BBX: variants seen among roughly 807,000 people sequenced by gnomAD.
BBX encodes BBX high mobility group box domain containing, also known as HMG box transcription factor BBX.
BBX carries 30 observed loss-of-function variants against 100.2 expected under a neutral mutation model. The observed-to-expected ratio is 0.30, with a 90% confidence interval of 0.22 to 0.41. The LOEUF is 0.41. BBX is among the 10% of genes least tolerant of loss of function. The pLI is 1.00. For synonymous variants in BBX, 376 were observed against 388.1 expected (o/e 0.97, Z 0.37); for missense variants, 1,023 against 1,129.8 (o/e 0.91, Z 1.35).
chr3:107,689,734 A>G (rs1461004008), intron 3 of BBX, among the ~76,000 whole-genome samples: 1 of 152,204 alleles, frequency 6.6e-6, no homozygotes, highest in East Asian at 1.9e-4. Flanking sequence ...ACTGAGAGGT[A>G]TGAATGAAAT....
At chr3:107,725,861 A>C (rs1037668284) in intron 5 of BBX, among the ~76,000 whole-genome samples, 1 of 152,054 alleles carries the variant, frequency 6.6e-6, no homozygotes, top group African/African-American at 2.4e-5. Flanking sequence ...CCATGAGGTG[A>C]ATTTTCATTT....
In BBX at chr3:107,805,672, A is replaced by C. The variant is rs945171137; in HGVS notation, c.*215A>C. 6.2e-6 allele frequency: 5 copies of C among 801,138 alleles called. No homozygotes were observed. Among genetic ancestry groups the C allele is most frequent in the African/African-American group, 1.7e-5 (1 of 57,830 alleles). The allele number at this position is 801,138 out of a possible 1,614,324, so 49.6% of individuals were successfully genotyped here. On this transcript the variant is annotated 3_prime_UTR_variant, in exon 18 of 18. Coordinates refer to ENST00000325805, the MANE Select transcript of BBX (RefSeq NM_001142568.3). ...CTTTGAGGGTAAGGTTATCTGTCTG[A>C]TACTGAGCAGAAACAGAATGATCCT...
At chr3:107,701,202 C>G (rs1301766212) in intron 3 of BBX, among the ~76,000 whole-genome samples, 1 of 152,096 alleles carries the variant, frequency 6.6e-6, no homozygotes, top group East Asian at 1.9e-4. Flanking sequence ...TGATGATGAG[C>G]ATTTTTTCAT....
intron 10 of BBX, among the ~76,000 whole-genome samples, chr3:107,765,768 A>G (rs2107736991): frequency 6.6e-6 from 1 of 152,220 alleles, no homozygotes; most frequent in South Asian, 2.1e-4. Context: ...CTGGCTGGAG[A>G]CTGGGGAATG....
intron 2 of BBX, among the ~76,000 whole-genome samples, chr3:107,637,877 C>T (rs2056944847): frequency 6.6e-6 from 1 of 152,034 alleles, no homozygotes; most frequent in Non-Finnish European, 1.5e-5. Context: ...TCCCTTCTTT[C>T]CTCCTTCCCT....
chr3:107,543,069 A>G lies in BBX; in HGVS notation c.-84+16671A>G, dbSNP rs528246324. Among the ~76,000 whole-genome samples, 21 of 152,356 alleles carry G rather than the reference A, an allele frequency of 1.4e-4. No individual in the cohort carries two copies. The South Asian group carries it at 4.4e-3, about 32-fold the overall frequency. ...TAAAAAAAGTTAGTGTTATATTGAG[A>G]TGAAATATCTGTGATTAAAAAAATG... On this transcript the variant is annotated intron_variant, in intron 2 of 17. Transcript: ENST00000325805.
intron 3 of BBX, among the ~76,000 whole-genome samples, chr3:107,703,154 T>C (rs1488765013): frequency 1.3e-5 from 2 of 152,236 alleles, no homozygotes; most frequent in Non-Finnish European, 2.9e-5. Flanking sequence ...TTTGTGAATT[T>C]GTAAACTGAA....
chr3:107,781,965 T>C (rs1449648706), intron 13 of BBX, among the ~76,000 whole-genome samples: 2 of 152,180 alleles, frequency 1.3e-5, no homozygotes, highest in Non-Finnish European at 2.9e-5. Flanking sequence ...AAGCCAATAG[T>C]ACTTTCAGTC....
intron 13 of BBX, among the ~76,000 whole-genome samples, 174 bp downstream of exon 13, chr3:107,778,693 C>T (rs1057206662): frequency 6.6e-6 from 1 of 151,970 alleles, no homozygotes; most frequent in Non-Finnish European, 1.5e-5. Context: ...TCCTTATTTT[C>T]TGTAGCCTCT....
chr3:107,693,591 G>T (rs1362559415), intron 3 of BBX, among the ~76,000 whole-genome samples: 1 of 151,698 alleles, frequency 6.6e-6, no homozygotes, highest in East Asian at 1.9e-4. Context: ...ATGCTGTTTT[G>T]GTTACTGTAG....
At chr3:107,543,106 A>T (rs928107558) in intron 2 of BBX, among the ~76,000 whole-genome samples, 1 of 152,242 alleles carries the variant, frequency 6.6e-6, no homozygotes, top group Non-Finnish European at 1.5e-5. Flanking sequence ...ACATCATGTC[A>T]CAATATAAAA....
At chr3:107,679,069 T>C (rs1000785522) in intron 3 of BBX, among the ~76,000 whole-genome samples, 2 of 151,770 alleles carry the variant, frequency 1.3e-5, no homozygotes, top group East Asian at 1.9e-4. Flanking sequence ...GCATGAGATA[T>C]GAAGCATAGA....
intron 13 of BBX, among the ~76,000 whole-genome samples, chr3:107,786,918 G>A (rs946211988): frequency 6.6e-6 from 1 of 152,158 alleles, no homozygotes; most frequent in Admixed American, 6.5e-5. Context: ...TATCTAGACT[G>A]TATAAGGAAT....
intron 17 of BBX, among the ~76,000 whole-genome samples, chr3:107,801,534 G>GC (rs1222648585): frequency 6.6e-6 from 1 of 152,172 alleles, no homozygotes; most frequent in African/African-American, 2.4e-5. Flanking sequence ...AAGCCTGAGA[G>GC]CAGGGAAGCA....
At chr3:107,602,888 A>G (rs990053571) in intron 2 of BBX, among the ~76,000 whole-genome samples, 5 of 152,368 alleles carry the variant, frequency 3.3e-5, no homozygotes, top group Admixed American at 6.5e-5. Flanking sequence ...GATTTAGACC[A>G]TTATATAAAC....
chr3:107,769,338 A>G (rs1354878742), intron 10 of BBX, among the ~76,000 whole-genome samples: 2 of 152,194 alleles, frequency 1.3e-5, no homozygotes, highest in African/African-American at 4.8e-5. Context: ...GTGTTTGCAT[A>G]TACATTTCTT....
At chr3:107,625,306 C>T (rs2056084749) in intron 2 of BBX, among the ~76,000 whole-genome samples, 1 of 152,062 alleles carries the variant, frequency 6.6e-6, no homozygotes, top group Non-Finnish European at 1.5e-5. Flanking sequence ...GGGACAGAGT[C>T]TCACTCTGTC....
intron 3 of BBX, among the ~76,000 whole-genome samples, chr3:107,674,255 T>C (rs1263177570): frequency 6.6e-6 from 1 of 152,192 alleles, no homozygotes; most frequent in Non-Finnish European, 1.5e-5. Context: ...TTCTTGATTC[T>C]TTTAGTAAGT....
chr3:107,662,874 G>GTGCTAGGTACT (rs1294077267), intron 3 of BBX: 4 of 152,082 alleles, frequency 2.6e-5, no homozygotes, highest in Admixed American at 6.5e-5. Flanking sequence ...TCCTGAGTAC[G>GTGCTAGGTACT]TGCTAGGTAC....
Sources: allele counts gnomAD v4.1 joint callset (sites outside exome capture counted in the v4.1 genomes callset), GRCh38; gene constraint gnomAD v4.1.1; transcripts MANE v1.5; gene names NCBI Gene and HGNC (gene_info 2026-07-23, HGNC 2026-07-21).